KCTD1: variants seen among roughly 807,000 people sequenced by gnomAD.
The protein encoded by KCTD1 is BTB/POZ domain-containing protein KCTD1.
Under a neutral mutation model 66.0 loss-of-function variants are expected in KCTD1, and 24 were observed. That is an observed-to-expected ratio of 0.36 (90% CI 0.26 to 0.51). The LOEUF (loss-of-function observed/expected upper bound fraction) is 0.51. KCTD1 is among the 20% of genes least tolerant of loss of function. The pLI is 0.95. For synonymous variants in KCTD1, 511 were observed against 517.2 expected (o/e 0.99, Z 0.16); for missense variants, 943 against 1,205.2 (o/e 0.78, Z 3.22).
intron 1 of KCTD1, among the ~76,000 whole-genome samples, chr18:26,558,977 C>T (rs756710431): frequency 2.0e-5 from 3 of 151,832 alleles, no homozygotes; most frequent in Non-Finnish European, 4.4e-5. Context: ...GAGATCCTGT[C>T]ATTTGCACCA....
intron 1 of KCTD1, among the ~76,000 whole-genome samples, chr18:26,538,945 C>G (rs1984842999): frequency 6.6e-6 from 1 of 152,212 alleles, no homozygotes; most frequent in Non-Finnish European, 1.5e-5. Context: ...CTGCCACACA[C>G]CGGAAACATT....
chr18:26,532,602 C>T (rs1177879380), intron 1 of KCTD1, among the ~76,000 whole-genome samples: 1 of 152,156 alleles, frequency 6.6e-6, no homozygotes, highest in African/African-American at 2.4e-5. Flanking sequence ...TGCTACTCAC[C>T]TTCTCTGGGC....
intron 1 of KCTD1, among the ~76,000 whole-genome samples, chr18:26,591,717 A>G (rs891873546): frequency 6.6e-6 from 1 of 152,226 alleles, no homozygotes; most frequent in Non-Finnish European, 1.5e-5. Flanking sequence ...AGTCCTGCCT[A>G]AGGCAATCAA....
chr18:26,565,148 C>T (rs1985952931), intron 1 of KCTD1, among the ~76,000 whole-genome samples: 1 of 152,154 alleles, frequency 6.6e-6, no homozygotes, highest in African/African-American at 2.4e-5. Context: ...GTGAAGACTG[C>T]AGGATGAGAG....
chr18:26,499,092 T>G (rs1393500019), intron 2 of KCTD1, among the ~76,000 whole-genome samples: 2 of 152,168 alleles, frequency 1.3e-5, no homozygotes, highest in Non-Finnish European at 2.9e-5. Context: ...AATATAGTTT[T>G]TATTAACTTC....
At chr18:26,514,570 AAG>A (rs1426253690) in intron 1 of KCTD1, among the ~76,000 whole-genome samples, 1 of 147,712 alleles carries the variant, frequency 6.8e-6, no homozygotes, top group Non-Finnish European at 1.5e-5. Context: ...AAAAAAAAAA[AAG>A]AAATGGCAGA....
chr18:26,551,664 CTTAA>C (rs1985572160), upstream of KCTD1, among the ~76,000 whole-genome samples: 1 of 152,058 alleles, frequency 6.6e-6, no homozygotes, highest in African/African-American at 2.4e-5. Flanking sequence ...AAAAAAGTTG[CTTAA>C]TTTTTAAAAC....
At chr18:26,545,098 T>C (rs912756254) in intron 1 of KCTD1, 117 of 152,190 alleles carry the variant, frequency 7.7e-4, no homozygotes, top group African/African-American at 2.6e-3. Flanking sequence ...TACGTCACAA[T>C]TCTATATTAC....
At chr18:26,493,866 T>C (rs1249355445) in intron 2 of KCTD1, among the ~76,000 whole-genome samples, 1 of 152,150 alleles carries the variant, frequency 6.6e-6, no homozygotes, top group East Asian at 1.9e-4. Context: ...CCCACTACCC[T>C]AGATGCCATT....
At chr18:26,553,505 G>A (rs1477184661), upstream of KCTD1, among the ~76,000 whole-genome samples, 1 of 152,128 alleles carries the variant, frequency 6.6e-6, no homozygotes, top group African/African-American at 2.4e-5. Context: ...TATGTGTGGG[G>A]AGAAAGCTAA....
upstream of KCTD1, chr18:26,548,996 C>A (rs1214420286): frequency 1.0e-5 from 10 of 985,208 alleles, no homozygotes; most frequent in Non-Finnish European, 1.2e-5. Flanking sequence ...AGTGCCCCTT[C>A]CACTGCCCCC....
intron 3 of KCTD1, among the ~76,000 whole-genome samples, chr18:26,474,747 A>G (rs1398569880): frequency 6.6e-6 from 1 of 152,132 alleles, no homozygotes; most frequent in Non-Finnish European, 1.5e-5. Context: ...TTGTATTTGT[A>G]TATGATGTCT....
chr18:26,600,014 A>G, intron 1 of KCTD1: 1 of 1,611,490 alleles, frequency 6.2e-7, no homozygotes, highest in East Asian at 2.2e-5. Context: ...TCAGCCAACG[A>G]TATGGAGGAC....
chr18:26,585,971 G>T lies in KCTD1; in HGVS notation c.-16+43176C>A, dbSNP rs538205467. Among the ~76,000 whole-genome samples, 44 of 152,272 alleles carry T rather than the reference G, an allele frequency of 2.9e-4. No individual in the cohort carries two copies. The East Asian group carries it at 7.7e-3, about 27-fold the overall frequency. On this transcript the variant is annotated intron_variant, in intron 1 of 4. Coordinates refer to the KCTD1 transcript ENST00000317932. ...GCAGGCTTGAACCCAGGAGTTCAAGGCTGCAGTGAGCTAGGATTGGGCCTC... is the reference window on the plus strand; with the variant it reads ...GCAGGCTTGAACCCAGGAGTTCAAGTCTGCAGTGAGCTAGGATTGGGCCTC...
chr18:26,589,967 C>T (rs538532716), intron 1 of KCTD1, among the ~76,000 whole-genome samples: 1 of 152,204 alleles, frequency 6.6e-6, no homozygotes, highest in South Asian at 2.1e-4. Context: ...CAAGGGGAGT[C>T]GATCTGAGAA....
At chr18:26,537,634 T>C (rs984388350) in intron 1 of KCTD1, among the ~76,000 whole-genome samples, 15 of 152,346 alleles carry the variant, frequency 9.8e-5, no homozygotes, top group African/African-American at 2.6e-4. Flanking sequence ...TAGAAAATTG[T>C]GGTGCATTTT....
intron 1 of KCTD1, among the ~76,000 whole-genome samples, chr18:26,541,197 A>G (rs2071277903): frequency 6.6e-6 from 1 of 152,198 alleles, no homozygotes; most frequent in Admixed American, 6.5e-5. Flanking sequence ...AGGATTAAAC[A>G]CAACCAAAGT....
intron 1 of KCTD1, among the ~76,000 whole-genome samples, chr18:26,563,212 A>G (rs1598942963): frequency 6.6e-6 from 1 of 152,088 alleles, no homozygotes; most frequent in South Asian, 2.1e-4. Context: ...AGGCAGCACC[A>G]CCCACAGGAG....
At chr18:26,623,844 G>A (rs1987442321) in intron 1 of KCTD1, among the ~76,000 whole-genome samples, 2 of 152,126 alleles carry the variant, frequency 1.3e-5, no homozygotes, top group East Asian at 3.9e-4. Context: ...GGAAATTTTG[G>A]AGCTTCCTAG....
Sources: allele counts gnomAD v4.1 joint callset (sites outside exome capture counted in the v4.1 genomes callset), GRCh38; gene constraint gnomAD v4.1.1; transcripts MANE v1.5; gene names NCBI Gene and HGNC (gene_info 2026-07-23, HGNC 2026-07-21).